Variants in STARD3 observed in about 807,000 individuals in gnomAD.
STARD3 encodes stAR-related lipid transfer protein 3.
STARD3 carries 39 observed loss-of-function variants against 62.0 expected under a neutral mutation model. That is an observed-to-expected ratio of 0.63 (90% CI 0.49 to 0.82). The LOEUF is 0.82. Among genes scored for constraint, STARD3 ranks in the 40% least tolerant of loss-of-function variants. STARD3 has a pLI of 0.00. For synonymous variants in STARD3, 229 were observed against 242.4 expected (o/e 0.94, Z 0.51); for missense variants, 543 against 584.5 (o/e 0.93, Z 0.73).
intron 5 of STARD3, 108 bp downstream of exon 5, chr17:39,658,134 TA>T (rs1440804459): frequency 3.2e-6 from 4 of 1,265,444 alleles, no homozygotes; most frequent in African/African-American, 3.0e-5. Flanking sequence ...TTGTCCGGGT[TA>T]GGGGGAGAGG....
At chr17:39,657,925 C>T in intron 4 of STARD3, 48 bp from the exon 5 acceptor site, 2 of 1,611,060 alleles carry the variant, frequency 1.2e-6, no homozygotes, top group Non-Finnish European at 1.7e-6. Context: ...GAGGAGGACT[C>T]ACTTCCCAGC....
rs753604544 is a variant in STARD3 at position 39,658,394 on chromosome 17, T to G, written c.430-11T>G. 1.1e-5 allele frequency: 17 copies of G among 1,611,446 alleles called. No homozygotes were observed. Among genetic ancestry groups the G allele is most frequent in the African/African-American group, 1.3e-5 (1 of 74,860 alleles). ...ACCCCTGCCATGGAGCTCAGCCCCC[T>G]CCCTTCACAGCTGCTCAGCAAAGGG... On this transcript the variant is annotated splice_polypyrimidine_tract_variant and intron_variant, in intron 5 of 14. Coordinates refer to ENST00000336308, the MANE Select transcript of STARD3 (RefSeq NM_006804.4).
intron 13 of STARD3, chr17:39,661,300 C>T (rs2057195396): frequency 3.4e-6 from 2 of 584,296 alleles, no homozygotes; most frequent in Non-Finnish European, 6.1e-6. Context: ...GGAACCAAGC[C>T]ACCAAGGCTG....
At chr17:39,646,749 G>A (rs995259331) in intron 1 of STARD3, among the ~76,000 whole-genome samples, 1 of 152,184 alleles carries the variant, frequency 6.6e-6, no homozygotes, top group Non-Finnish European at 1.5e-5. Context: ...TACAAGTGGG[G>A]CTGGTACTAT....
At chr17:39,653,439 CAGG>C (rs1263839278) in intron 1 of STARD3, 39 bp from the exon 2 acceptor site, 3 of 1,339,586 alleles carry the variant, frequency 2.2e-6, no homozygotes, top group East Asian at 2.5e-5. Flanking sequence ...GTGGGAGGGA[CAGG>C]AGGAGTTTGA....
intron 1 of STARD3, among the ~76,000 whole-genome samples, chr17:39,640,878 G>A (rs756688753): frequency 1.3e-5 from 2 of 151,926 alleles, no homozygotes; most frequent in South Asian, 4.2e-4. Context: ...TTCCCCTTCC[G>A]CTTCCTCAGA....
intron 8 of STARD3, 117 bp from the exon 9 acceptor site, chr17:39,659,338 CCACATG>C (rs2057168600): frequency 1.9e-6 from 2 of 1,067,858 alleles, no homozygotes; most frequent in Admixed American, 4.5e-5. Flanking sequence ...AGCCCAGATC[CCACATG>C]TGGCTGGGCC....
At chr17:39,639,762 A>C (rs995563470) in intron 1 of STARD3, among the ~76,000 whole-genome samples, 1 of 152,202 alleles carries the variant, frequency 6.6e-6, no homozygotes, top group African/African-American at 2.4e-5. Context: ...CCCCCTGGGT[A>C]GGGCCATTGT....
rs370944234 is a variant in STARD3 at position 39,657,825 on chromosome 17, G to A, written c.348G>A (p.Leu116=). ...GACTGCTCCTAGGCTATGCCGTGCT[G>A]CGGCTCCGGCACTGGTGGGTGATTG... ...FSGLLLGYAV[L]RLRHWWVIAV... Residue 116 remains leucine, a synonymous_variant, in exon 4 of 15, where the codon CTG becomes CTA. Transcript: ENST00000336308. 3.8e-5 allele frequency: 61 copies of A among 1,614,102 alleles called. No homozygotes were observed. In the African/African-American group the frequency reaches 7.9e-4, roughly 21 times the overall value.
At chr17:39,655,196 T>G (rs1398089990) in intron 2 of STARD3, among the ~76,000 whole-genome samples, 1 of 152,264 alleles carries the variant, frequency 6.6e-6, no homozygotes, top group Non-Finnish European at 1.5e-5. Context: ...TTCGTTTTGT[T>G]TTGTTTTGAG....
At chr17:39,661,287 G>A (rs937622592) in intron 13 of STARD3, 23 of 598,182 alleles carry the variant, frequency 3.8e-5, no homozygotes, top group Non-Finnish European at 5.9e-5. Context: ...GTGGTGGACA[G>A]CTGGAACCAA....
At chr17:39,658,621 T>A in intron 6 of STARD3, 99 bp downstream of exon 6, 3 of 1,573,054 alleles carry the variant, frequency 1.9e-6, no homozygotes, top group Non-Finnish European at 2.6e-6. Context: ...TCTCGCCACC[T>A]CTGAGCAGCC....
chr17:39,653,634 C>A lies in STARD3; in HGVS notation c.103C>A (p.His35Asn). Residue 35 changes from histidine (H) to asparagine (N), a missense_variant, in exon 2 of 15, where the codon CAC becomes AAC. His to Asn is a moderately conservative substitution (Grantham distance 68). Transcript: ENST00000336308. ...SLSHSQSLSSHLLPPPEKRRA... is the reference protein window; with the variant it reads ...SLSHSQSLSSNLLPPPEKRRA... ...GTCCCACAGCCAGAGCCTCTCCTCG[C>A]ACCTCCTTCCGCCGCCTGAGAAGCG... The A allele has an allele frequency of 1.2e-6, 2 of 1,613,944 alleles. No individual in the cohort carries two copies. The highest frequency in any genetic ancestry group is 1.7e-6 in the Non-Finnish European group (2 of 1,180,046).
intron 1 of STARD3, among the ~76,000 whole-genome samples, chr17:39,640,518 C>G (rs1254816746): frequency 6.6e-6 from 1 of 151,590 alleles, no homozygotes; most frequent in East Asian, 1.9e-4. Context: ...CCCAACCCCC[C>G]CACCCCTTGT....
chr17:39,662,724 C>A (rs1299084099), intron 14 of STARD3, 80 bp from the exon 15 acceptor site: 1 of 1,347,954 alleles, frequency 7.4e-7, no homozygotes, highest in Non-Finnish European at 1.0e-6. Flanking sequence ...GGCCCAGAGC[C>A]CCCCTGCTGG....
In STARD3 at chr17:39,653,522, G is replaced by A. The variant is rs2057096861; in HGVS notation, c.-10G>A. On this transcript the variant is annotated 5_prime_UTR_variant, in exon 2 of 15. Transcript: ENST00000336308. Reference sequence around the variant, plus strand: ...GCGCCCTCCCCGCCCTGAGGTGGGGGCCCACCAGGATGAGCAAGCTGCCCA... The same window carrying A: ...GCGCCCTCCCCGCCCTGAGGTGGGGACCCACCAGGATGAGCAAGCTGCCCA... 4 of 1,601,018 alleles carry A rather than the reference G, an allele frequency of 2.5e-6. No homozygotes were observed. The highest frequency in any genetic ancestry group is 1.1e-5 in the South Asian group (1 of 91,044).
rs370026001 is a variant in STARD3, at chr17:39,660,410, C to T, written c.859-21C>T. On this transcript the variant is annotated intron_variant, in intron 10 of 14. Coordinates refer to ENST00000336308, the MANE Select transcript of STARD3 (RefSeq NM_006804.4). The surrounding 1 kb of genome is among the most constrained non-coding windows in gnomAD (Gnocchi z 4.8). ...CCCGAGCCCATCTGGCACCACCCAGCCCTCTGCCGCCCTGTCCCAGACCTT... is the reference window on the plus strand; with the variant it reads ...CCCGAGCCCATCTGGCACCACCCAGTCCTCTGCCGCCCTGTCCCAGACCTT... 6.2e-7 allele frequency: 1 copy of T among 1,613,170 alleles called. No individual in the cohort carries two copies. The highest frequency in any genetic ancestry group is 8.5e-7 in the Non-Finnish European group (1 of 1,179,710).
chr17:39,652,219 G>A (rs1328896189), intron 1 of STARD3, among the ~76,000 whole-genome samples: 1 of 152,124 alleles, frequency 6.6e-6, no homozygotes, highest in African/African-American at 2.4e-5. Context: ...CTCTCTTTAG[G>A]GTTTGCCCTG....
rs2057182229 is a variant in STARD3 at position 39,660,347 on chromosome 17, T to C, written c.858+74T>C. 1 of 1,609,024 alleles carries C rather than the reference T, an allele frequency of 6.2e-7. No homozygotes were observed. Among genetic ancestry groups the C allele is most frequent in the Non-Finnish European group, 8.5e-7 (1 of 1,175,996 alleles). ...TCCAGGAAGGTGCCGAGGGGCCCTC[T>C]GGTGGGTGCCCCCCACCAAGAGGGA... On this transcript the variant is annotated intron_variant, in intron 10 of 14. Coordinates refer to ENST00000336308, the MANE Select transcript of STARD3 (RefSeq NM_006804.4). The surrounding 1 kb of genome is among the most constrained non-coding windows in gnomAD (Gnocchi z 4.8).
Sources: allele counts gnomAD v4.1 joint callset (sites outside exome capture counted in the v4.1 genomes callset), GRCh38; gene constraint gnomAD v4.1.1; non-coding constraint Gnocchi (gnomAD v3.1); transcripts MANE v1.5; gene names NCBI Gene and HGNC (gene_info 2026-07-23, HGNC 2026-07-21).